Variants in L3MBTL4 observed in about 807,000 individuals in gnomAD.
The protein encoded by L3MBTL4 is L3MBTL histone methyl-lysine binding protein 4.
L3MBTL4 carries 70 observed loss-of-function variants against 84.5 expected under a neutral mutation model. The ratio of observed to expected loss-of-function variants is 0.83; its 90% CI spans 0.68 to 1.01. The LOEUF (loss-of-function observed/expected upper bound fraction) is 1.01. Ranked by LOEUF, L3MBTL4 falls within the 50% of genes least tolerant of loss-of-function variation. L3MBTL4 has a pLI of 0.00. For missense variants in L3MBTL4, 715 were observed against 754.8 expected (o/e 0.95, Z 0.62); for synonymous variants, 274 against 259.8 (o/e 1.05, Z -0.52).
chr18:6,395,908 G>A (rs993979010), intron 1 of L3MBTL4: 1 of 152,126 alleles, frequency 6.6e-6, no homozygotes, highest in Admixed American at 6.5e-5. Flanking sequence ...AGACCAAGAC[G>A]TCAACCGAAG....
rs182069551 is a variant in L3MBTL4 at position 6,398,641 on chromosome 18, C to G, written c.-91+16160G>C. ...TGCCAGAAGTCTGAGGCTGGCAATC[C>G]TGGCCTCATTCAGCCTATAGATGTT... On this transcript the variant is annotated intron_variant, in intron 1 of 18. Coordinates refer to ENST00000317931, the MANE Select transcript of L3MBTL4 (RefSeq NM_001330559.2). 3.1e-3 allele frequency among the ~76,000 whole-genome samples: 463 copies of G among 151,570 alleles called. 10 individuals are homozygous for G. Among genetic ancestry groups the G allele is most frequent in the Admixed American group, 0.027 (409 of 15,162 alleles).
chr18:6,077,409 C>A (rs1004579249), intron 16 of L3MBTL4, among the ~76,000 whole-genome samples: 8 of 151,980 alleles, frequency 5.3e-5, no homozygotes, highest in African/African-American at 1.9e-4. Flanking sequence ...ATATGTTTAT[C>A]CAATCTTACG....
chr18:6,301,474 T>C (rs1267809970), intron 4 of L3MBTL4, among the ~76,000 whole-genome samples: 2 of 152,192 alleles, frequency 1.3e-5, no homozygotes, highest in Non-Finnish European at 2.9e-5. Context: ...TTAATAACCA[T>C]AATGAGGAGT....
chr18:6,258,037 G>T (rs540217561), intron 5 of L3MBTL4, among the ~76,000 whole-genome samples: 1 of 152,304 alleles, frequency 6.6e-6, no homozygotes, highest in Non-Finnish European at 1.5e-5. Context: ...AGGCAGGAAT[G>T]GAAAGGATGC....
At chr18:6,051,521 G>A (rs556043261) in intron 16 of L3MBTL4, among the ~76,000 whole-genome samples, 7 of 151,214 alleles carry the variant, frequency 4.6e-5, no homozygotes, top group Non-Finnish European at 8.8e-5. Context: ...CCTGGGCGGC[G>A]CAGCAAGGCT....
chr18:6,081,729 G>A (rs1371114954), intron 15 of L3MBTL4, among the ~76,000 whole-genome samples: 1 of 152,104 alleles, frequency 6.6e-6, no homozygotes, highest in Non-Finnish European at 1.5e-5. Context: ...TAATTTCTGT[G>A]CTAGATGAGG....
Position 6,384,296 on chromosome 18 carries a change from C to G in L3MBTL4, c.-91+30505G>C, listed in dbSNP as rs190441347. ...ACTCATATATATACATATATATACA[C>G]ACACACAAACCATACATACAAATGT... On this transcript the variant is annotated intron_variant, in intron 1 of 18. Transcript: ENST00000317931. Among the ~76,000 whole-genome samples, 11 of 152,192 alleles carry G rather than the reference C, an allele frequency of 7.2e-5. No homozygotes were observed. The East Asian group carries it at 2.1e-3, about 29-fold the overall frequency.
intron 13 of L3MBTL4, among the ~76,000 whole-genome samples, chr18:6,139,631 C>T (rs1023106501): frequency 6.6e-6 from 1 of 152,098 alleles, no homozygotes; most frequent in Non-Finnish European, 1.5e-5. Flanking sequence ...TCCTTCTCCC[C>T]TCCCAGCTCT....
intron 1 of L3MBTL4, among the ~76,000 whole-genome samples, chr18:6,338,791 T>C (rs2052466851): frequency 6.6e-6 from 1 of 152,066 alleles, no homozygotes; most frequent in Non-Finnish European, 1.5e-5. Flanking sequence ...TTGAAAAATA[T>C]GTTTTAACAT....
chr18:6,173,145 G>A (rs2044057382), intron 12 of L3MBTL4, among the ~76,000 whole-genome samples: 2 of 152,154 alleles, frequency 1.3e-5, no homozygotes, highest in Non-Finnish European at 2.9e-5. Context: ...GAGAACCAGA[G>A]ATTACAGTAA....
At chr18:6,306,747 C>A (rs917602570) in intron 3 of L3MBTL4, among the ~76,000 whole-genome samples, 2 of 152,168 alleles carry the variant, frequency 1.3e-5, no homozygotes, top group Non-Finnish European at 2.9e-5. Context: ...TCTAATTGCA[C>A]AGCAAACCTT....
At chr18:6,302,055 A>G in intron 3 of L3MBTL4, 98 bp from the exon 4 acceptor site, 1 of 1,025,738 alleles carries the variant, frequency 9.7e-7, no homozygotes, top group Non-Finnish European at 1.6e-6. Flanking sequence ...AGTTATGAAG[A>G]TCCTCGTCAC....
At chr18:5,962,511 G>A (rs143405334) in intron 17 of L3MBTL4, among the ~76,000 whole-genome samples, 8 of 152,234 alleles carry the variant, frequency 5.3e-5, no homozygotes, top group South Asian at 4.1e-4. Flanking sequence ...CCACAGCAGC[G>A]GGGAGCCCTG....
intron 1 of L3MBTL4, among the ~76,000 whole-genome samples, chr18:6,382,134 C>T (rs1028492389): frequency 6.6e-6 from 1 of 152,130 alleles, no homozygotes; most frequent in East Asian, 1.9e-4. Context: ...GCTATTGATA[C>T]TTGTGTATGC....
chr18:6,311,486 A>T (rs1483635224), intron 3 of L3MBTL4, 68 bp downstream of exon 3: 15 of 1,324,716 alleles, frequency 1.1e-5, no homozygotes, highest in Non-Finnish European at 1.5e-5. Flanking sequence ...TGTGAACTCT[A>T]CTATTCCATG....
intron 1 of L3MBTL4, chr18:6,356,787 T>C (rs976280709): frequency 6.6e-6 from 1 of 152,216 alleles, no homozygotes; most frequent in Non-Finnish European, 1.5e-5. Context: ...CTGTAGACTT[T>C]ATGAACACTG....
chr18:6,234,272 T>C (rs1420466478), intron 10 of L3MBTL4, among the ~76,000 whole-genome samples: 2 of 152,140 alleles, frequency 1.3e-5, no homozygotes, highest in Admixed American at 6.5e-5. Flanking sequence ...ACTTCATGTC[T>C]AAAACACCAA....
chr18:6,185,985 T>G (rs2044730178), intron 12 of L3MBTL4, among the ~76,000 whole-genome samples: 2 of 148,336 alleles, frequency 1.3e-5, no homozygotes, highest in African/African-American at 5.1e-5. Context: ...TTTTATTTTA[T>G]TTTATTTTAT....
intron 12 of L3MBTL4, among the ~76,000 whole-genome samples, chr18:6,203,978 G>A (rs79741260): frequency 0.037 from 5,650 of 152,234 alleles, 354 homozygotes; most frequent in African/African-American, 0.13. Flanking sequence ...TGCCGTGCCC[G>A]TTTAGGGTGT....
Sources: allele counts gnomAD v4.1 joint callset (sites outside exome capture counted in the v4.1 genomes callset), GRCh38; gene constraint gnomAD v4.1.1; transcripts MANE v1.5; gene names NCBI Gene and HGNC (gene_info 2026-07-23, HGNC 2026-07-21).